Variants in IMPG2 observed in about 807,000 individuals in gnomAD.
The protein encoded by IMPG2 is interphotoreceptor matrix proteoglycan 2.
A neutral mutation model predicts 129.2 loss-of-function variants in IMPG2; 91 were observed. That is an observed-to-expected ratio of 0.70 (90% CI 0.59 to 0.84). The LOEUF is 0.84. IMPG2 is among the 40% of genes least tolerant of loss of function. IMPG2 has a pLI of 0.00. For missense variants in IMPG2, 1,430 were observed against 1,461.7 expected (o/e 0.98, Z 0.35); for synonymous variants, 510 against 517.7 (o/e 0.99, Z 0.20).
chr3:101,298,555 T>C (rs1707107072), intron 3 of IMPG2, among the ~76,000 whole-genome samples: 1 of 152,190 alleles, frequency 6.6e-6, no homozygotes, highest in African/African-American at 2.4e-5. Flanking sequence ...CTTTCCATAT[T>C]CAGTGCTTCC....
At position 101,244,293 on chromosome 3, in the gene IMPG2, C is replaced by G; in HGVS notation, c.2038G>C (p.Glu680Gln). The change falls in exon 13 of 19, where the codon GAG (glutamate) becomes CAG (glutamine). Residue 680 changes from glutamate to glutamine, a missense_variant. Glu to Gln is a conservative substitution (Grantham distance 29, BLOSUM62 2). Coordinates refer to ENST00000193391, the MANE Select transcript of IMPG2 (RefSeq NM_016247.4). ...DDRSTHFPEE[E>Q]PLSGPAVPIF... ...GGCACAGCAGGCCCACTAAGAGGCT[C>G]TTCCTCTGGAAAGTGTGTGGATCTG... 6.2e-7 allele frequency: 1 copy of G among 1,614,032 alleles called. No homozygotes were observed. Among genetic ancestry groups the G allele is most frequent in the Non-Finnish European group, 8.5e-7 (1 of 1,179,988 alleles).
intron 12 of IMPG2, among the ~76,000 whole-genome samples, chr3:101,245,502 CT>C (rs1160470606): frequency 6.6e-6 from 1 of 152,126 alleles, no homozygotes; most frequent in Non-Finnish European, 1.5e-5. Context: ...AGTAAAGTGG[CT>C]CTTTAATAGT....
At chr3:101,251,434 C>T (rs902752219) in intron 11 of IMPG2, among the ~76,000 whole-genome samples, 8 of 152,278 alleles carry the variant, frequency 5.3e-5, no homozygotes, top group African/African-American at 9.6e-5. Context: ...CTTTCCTATA[C>T]ATTTTGAAAG....
chr3:101,291,434 C>T (rs1216795233), intron 4 of IMPG2, 45 bp downstream of exon 4: 1 of 1,538,668 alleles, frequency 6.5e-7, no homozygotes, highest in Non-Finnish European at 9.0e-7. Flanking sequence ...GGCTATGACA[C>T]ATCTGTGTTG....
intron 18 of IMPG2, among the ~76,000 whole-genome samples, chr3:101,227,326 G>A (rs78143117): frequency 1.3e-5 from 2 of 152,288 alleles, no homozygotes; most frequent in East Asian, 3.9e-4. Flanking sequence ...AGGTTACAGA[G>A]CCTGTGTATA....
At chr3:101,319,523 C>T (rs571050251) in intron 2 of IMPG2, 61 bp downstream of exon 2, 4 of 1,597,596 alleles carry the variant, frequency 2.5e-6, no homozygotes, top group African/African-American at 2.7e-5. Context: ...TGTTACCTAA[C>T]AAATGATTAA....
rs72936133 is a variant in IMPG2, at chr3:101,300,423, C to T, written c.501+3723G>A. 3.0e-3 allele frequency among the ~76,000 whole-genome samples: 455 copies of T among 152,366 alleles called. 1 individual carries two copies. Among genetic ancestry groups the T allele is most frequent in the African/African-American group, 0.01 (425 of 41,588 alleles). On this transcript the variant is annotated intron_variant, in intron 3 of 18. Transcript: ENST00000193391. ...GCAGCCACAGCGGTGGTGCTGGTTG[C>T]CCCTCCCGCGGGGAGCTCCGCAGGC...
In IMPG2 at chr3:101,275,739, G is replaced by C. The variant is rs1187678423; in HGVS notation, c.590C>G (p.Thr197Ser). The C allele has an allele frequency of 5.6e-6, 9 of 1,613,304 alleles. No individual in the cohort carries two copies. Among genetic ancestry groups the C allele is most frequent in the Non-Finnish European group, 7.6e-6 (9 of 1,179,262 alleles). Reference sequence around the variant, plus strand: ...CACCTCTGGATGTGGAACACTGAGAGTAGTGTCTAAGAAGAAAAGCAAAAA... The same window carrying C: ...CACCTCTGGATGTGGAACACTGAGACTAGTGTCTAAGAAGAAAAGCAAAAA... ...VGDTSTLGDT[T>S]LSVPHPEVDA... The change falls in exon 6 of 19, where the codon ACT becomes AGT. Residue 197 changes from threonine to serine, a missense_variant. Physicochemically the swap from Thr to Ser is moderately conservative, Grantham distance 58. Coordinates refer to ENST00000193391, the MANE Select transcript of IMPG2 (RefSeq NM_016247.4).
chr3:101,229,300 A>ACCCCCCCCCCCCCCCCCCCGCTGC, intron 17 of IMPG2, 80 bp downstream of exon 17: 1 of 859,118 alleles, frequency 1.2e-6, no homozygotes. Context: ...ACTCATACAC[A>ACCCCCCCCCCCCCCCCCCCGCTGC]CCCCCACCCA....
At chr3:101,296,493 A>G (rs1316671168) in intron 3 of IMPG2, among the ~76,000 whole-genome samples, 1 of 152,124 alleles carries the variant, frequency 6.6e-6, no homozygotes, top group Non-Finnish European at 1.5e-5. Context: ...TTTTTGCATC[A>G]ATGTTCATCA....
Position 101,291,488 on chromosome 3 carries a change from G to A in IMPG2, c.524C>T (p.Thr175Ile). The change falls in exon 4 of 19, where the codon ACT becomes ATT. Residue 175 changes from threonine to isoleucine, a missense_variant. By Grantham distance (89) the Thr-to-Ile change is moderately conservative (BLOSUM62 -1). Coordinates refer to ENST00000193391, the MANE Select transcript of IMPG2 (RefSeq NM_016247.4). ...IMKKLTYAKE[T>I]VSSSELSSPV... ...AAAAAGAGACACTCACCTGCTTACA[G>A]TTTCCTTTGCATAAGTCAGTTTCTA... is the stretch of plus-strand genomic sequence containing the variant. The A allele has an allele frequency of 4.3e-6, 7 of 1,613,106 alleles. No homozygotes were observed. The highest frequency in any genetic ancestry group is 5.9e-6 in the Non-Finnish European group (7 of 1,179,220).
intron 16 of IMPG2, 104 bp from the exon 17 acceptor site, chr3:101,229,694 T>G: frequency 1.1e-6 from 1 of 947,184 alleles, no homozygotes; most frequent in South Asian, 1.4e-5. Flanking sequence ...ACAGGTGCAC[T>G]TTACACAAAT....
At chr3:101,308,059 C>A (rs957925135) in intron 2 of IMPG2, among the ~76,000 whole-genome samples, 1 of 152,228 alleles carries the variant, frequency 6.6e-6, no homozygotes, top group Non-Finnish European at 1.5e-5. Flanking sequence ...CCATGTCACA[C>A]TGATGTAAGA....
chr3:101,236,018 C>A (rs1200423790), intron 14 of IMPG2, among the ~76,000 whole-genome samples: 2 of 152,166 alleles, frequency 1.3e-5, no homozygotes, highest in African/African-American at 4.8e-5. Flanking sequence ...ATCTGCCGTG[C>A]TGAGATAAAG....
In IMPG2 at chr3:101,228,829, A is replaced by G. The variant is rs765987785; in HGVS notation, c.3681T>C (p.Pro1227=). The G allele has an allele frequency of 3.1e-6, 5 of 1,613,918 alleles. No individual in the cohort carries two copies. The African/African-American group carries it at 5.3e-5, about 17-fold the overall frequency. Residue 1227 remains proline (P), a synonymous_variant, in exon 18 of 19, where the codon CCT becomes CCC. Coordinates refer to ENST00000193391, the MANE Select transcript of IMPG2 (RefSeq NM_016247.4). ...GCTCTCTCACAAAAGCTGCAAACTC[A>G]GGATCATTGGCATACAGTTCCAAAA... ...MRVLELYAND[P]EFAAFVREQQ... is the part of the protein sequence containing the mutation.
At chr3:101,266,505 T>C (rs1706721484) in intron 9 of IMPG2, among the ~76,000 whole-genome samples, 1 of 152,140 alleles carries the variant, frequency 6.6e-6, no homozygotes, top group Non-Finnish European at 1.5e-5. Context: ...GAAACTTAAC[T>C]CCCTCCTACC....
intron 3 of IMPG2, among the ~76,000 whole-genome samples, chr3:101,302,240 C>T (rs566845412): frequency 6.6e-6 from 1 of 152,232 alleles, no homozygotes; most frequent in Admixed American, 6.5e-5. Flanking sequence ...CTAAAAGTTC[C>T]ACTTGTAAGA....
chr3:101,314,697 G>A (rs1055826879), intron 2 of IMPG2, among the ~76,000 whole-genome samples: 1 of 151,692 alleles, frequency 6.6e-6, no homozygotes, highest in African/African-American at 2.4e-5. Context: ...TACTATACCT[G>A]GTAGAATCAG....
At chr3:101,311,959 C>T (rs891754389) in intron 2 of IMPG2, among the ~76,000 whole-genome samples, 2 of 151,758 alleles carry the variant, frequency 1.3e-5, no homozygotes, top group Non-Finnish European at 2.9e-5. Flanking sequence ...GCCTTTTCGA[C>T]AAATGGTGCT....
Sources: gnomAD v4.1 joint callset for allele counts (sites outside exome capture counted in the v4.1 genomes callset) on GRCh38, gnomAD v4.1.1 for gene constraint, MANE v1.5 for transcripts, NCBI Gene and HGNC (gene_info 2026-07-23, HGNC 2026-07-21) for gene names.